Variants in SNTB1 observed in about 807,000 individuals in gnomAD.
SNTB1 encodes the protein syntrophin beta 1, also known as beta-1-syntrophin.
SNTB1 carries 36 observed loss-of-function variants against 48.9 expected under a neutral mutation model. The observed-to-expected ratio is 0.74, with a 90% confidence interval of 0.56 to 0.97. The LOEUF (loss-of-function observed/expected upper bound fraction) is 0.97. SNTB1 is among the 50% of genes least tolerant of loss of function. SNTB1 has a pLI of 0.00. For missense variants in SNTB1, 786 were observed against 703.4 expected (o/e 1.12, Z -1.33); for synonymous variants, 299 against 294.6 (o/e 1.01, Z -0.15).
chr8:120,588,588 A>T (rs751416553), intron 3 of SNTB1, among the ~76,000 whole-genome samples: 17 of 152,044 alleles, frequency 1.1e-4, no homozygotes, highest in Non-Finnish European at 2.2e-4. Context: ...TAGTAAGGAC[A>T]TAAATCTTAT....
In SNTB1 at chr8:120,665,654, A is replaced by G. The variant is rs536310618; in HGVS notation, c.788+28038T>C. ...TTATCTAGAACCTTTTCCAAACTCA[A>G]ATTCAAAAATGTTTTGTTTTCTGCT... On this transcript the variant is annotated intron_variant, in intron 2 of 6. Coordinates refer to ENST00000517992, the MANE Select transcript of SNTB1 (RefSeq NM_021021.4). Among the ~76,000 whole-genome samples the G allele has an allele frequency of 1.8e-4, 28 of 152,206 alleles. No homozygotes were observed. In the South Asian group the frequency reaches 2.3e-3, roughly 12 times the overall value.
chr8:120,603,921 A>C (rs996591913), intron 3 of SNTB1, among the ~76,000 whole-genome samples: 2 of 152,200 alleles, frequency 1.3e-5, no homozygotes, highest in African/African-American at 4.8e-5. Flanking sequence ...GGGATGATGA[A>C]GAAGAGGTGT....
intron 4 of SNTB1, among the ~76,000 whole-genome samples, chr8:120,566,304 G>A (rs1815746903): frequency 6.8e-6 from 1 of 147,708 alleles, no homozygotes. Flanking sequence ...ACTCTAGCCT[G>A]GGCGACAAGA....
chr8:120,634,149 GA>G (rs988386647), intron 2 of SNTB1, among the ~76,000 whole-genome samples: 31 of 151,098 alleles, frequency 2.1e-4, no homozygotes, highest in African/African-American at 6.8e-4. Flanking sequence ...ATTGCATAAA[GA>G]AAAAAAACCC....
chr8:120,809,779 C>G (rs1006481431), intron 1 of SNTB1, among the ~76,000 whole-genome samples: 2 of 152,152 alleles, frequency 1.3e-5, no homozygotes, highest in South Asian at 4.1e-4. Context: ...AATCATCAAG[C>G]CAAAGCAAAC....
At chr8:120,697,436 G>A (rs377090805) in intron 1 of SNTB1, among the ~76,000 whole-genome samples, 1 of 152,256 alleles carries the variant, frequency 6.6e-6, no homozygotes, top group East Asian at 1.9e-4. Context: ...TGTCCATGAG[G>A]TATAATAAGA....
chr8:120,539,322 A>C (rs1004147332), intron 6 of SNTB1, among the ~76,000 whole-genome samples: 1 of 152,196 alleles, frequency 6.6e-6, no homozygotes, highest in African/African-American at 2.4e-5. Flanking sequence ...TAAATTTCAC[A>C]TCTGAAGATT....
At chr8:120,744,103 C>T (rs1819086340) in intron 1 of SNTB1, among the ~76,000 whole-genome samples, 1 of 137,742 alleles carries the variant, frequency 7.3e-6, no homozygotes, top group African/African-American at 2.5e-5. Flanking sequence ...GCACTCAAGC[C>T]TGGGTGACCC....
rs1454642554 is a variant in SNTB1 at position 120,537,721 on chromosome 8, C to A, written c.*1156G>T. 2.0e-5 allele frequency: 3 copies of A among 152,148 alleles called. No individual in the cohort carries two copies. Among genetic ancestry groups the A allele is most frequent in the Non-Finnish European group, 2.9e-5 (2 of 68,012 alleles). 9.4% of individuals were successfully genotyped at this position (152,148 alleles called of 1,614,324 possible). A position where few individuals can be genotyped will look rare whatever the true frequency, so the allele number is the denominator to read the frequency against. On this transcript the variant is annotated 3_prime_UTR_variant, in exon 7 of 7. Coordinates refer to ENST00000517992, the MANE Select transcript of SNTB1 (RefSeq NM_021021.4). ...TTGTTTTGAAAGATAAAAGTAAAAG[C>A]ATTAAATCAGTAATGTGCTATATAA...
At chr8:120,616,435 G>A (rs4871078) in intron 3 of SNTB1, among the ~76,000 whole-genome samples, 27,139 of 150,266 alleles carry the variant, frequency 0.18, 3,343 homozygotes, top group East Asian at 0.62. Context: ...CAGTAAGCTA[G>A]AACTACAGGG....
chr8:120,564,226 C>G (rs752545134), intron 4 of SNTB1, among the ~76,000 whole-genome samples: 3 of 152,036 alleles, frequency 2.0e-5, no homozygotes, highest in Non-Finnish European at 2.9e-5. Context: ...TGAGATAGGG[C>G]CTAAGATGAG....
In SNTB1 at chr8:120,693,795, G is replaced by A. The variant is rs143887054; in HGVS notation, c.685C>T (p.Pro229Ser). Reference protein sequence around the residue: ...SPRLGGSTSDPPSSQSFSFHR... With the variant: ...SPRLGGSTSDSPSSQSFSFHR... ...AAGGAGAAGGACTGCGATGACGGGG[G>A]GTCTGAGGTGCTGCCCCCTAACCGA... Residue 229 changes from proline (P) to serine (S), a missense_variant, in exon 2 of 7, where the codon CCC becomes TCC. Pro to Ser is a moderately conservative substitution (Grantham distance 74, BLOSUM62 -1). Coordinates refer to ENST00000517992, the MANE Select transcript of SNTB1 (RefSeq NM_021021.4). The A allele has an allele frequency of 7.1e-5, 114 of 1,614,022 alleles. No individual in the cohort carries two copies. The highest frequency in any genetic ancestry group is 8.4e-5 in the Non-Finnish European group (99 of 1,180,002).
At chr8:120,595,808 C>G (rs796834759) in intron 3 of SNTB1, among the ~76,000 whole-genome samples, 6 of 152,124 alleles carry the variant, frequency 3.9e-5, no homozygotes, top group Non-Finnish European at 8.8e-5. Flanking sequence ...GTCTCGAACT[C>G]CCGACCTCAG....
intron 1 of SNTB1, among the ~76,000 whole-genome samples, chr8:120,755,141 G>GTT (rs35743013): frequency 7.4e-5 from 11 of 149,196 alleles, no homozygotes; most frequent in Non-Finnish European, 1.5e-4. Context: ...ATGCTGTGGT[G>GTT]TTGTGTGTGT....
At chr8:120,600,355 A>G (rs539336023) in intron 3 of SNTB1, among the ~76,000 whole-genome samples, 14 of 152,370 alleles carry the variant, frequency 9.2e-5, no homozygotes, top group Non-Finnish European at 1.6e-4. Context: ...TGACAATCCC[A>G]GCTGAGGTCC....
intron 5 of SNTB1, among the ~76,000 whole-genome samples, chr8:120,543,170 C>A (rs1815321054): frequency 6.6e-6 from 1 of 152,166 alleles, no homozygotes; most frequent in Non-Finnish European, 1.5e-5. Flanking sequence ...ATCCTAATTC[C>A]TATTTAGGAA....
At chr8:120,722,822 C>G (rs541599297) in intron 1 of SNTB1, among the ~76,000 whole-genome samples, 1 of 152,208 alleles carries the variant, frequency 6.6e-6, no homozygotes, top group Non-Finnish European at 1.5e-5. Flanking sequence ...TTGCCCATGC[C>G]TATGTCCTGA....
chr8:120,801,799 C>G (rs1027454349), intron 1 of SNTB1, among the ~76,000 whole-genome samples: 5 of 152,052 alleles, frequency 3.3e-5, no homozygotes, highest in Non-Finnish European at 5.9e-5. Context: ...CACCTGAGAC[C>G]ACTTTAAATT....
chr8:120,761,019 G>A (rs990354674), intron 1 of SNTB1, among the ~76,000 whole-genome samples: 3 of 152,082 alleles, frequency 2.0e-5, no homozygotes, highest in Non-Finnish European at 4.4e-5. Context: ...TAAGCAGTCC[G>A]ACAGAAAAAT....
Sources: allele counts gnomAD v4.1 joint callset (sites outside exome capture counted in the v4.1 genomes callset), GRCh38; gene constraint gnomAD v4.1.1; transcripts MANE v1.5; gene names NCBI Gene and HGNC (gene_info 2026-07-23, HGNC 2026-07-21).